POU6F2: variants seen among roughly 807,000 people sequenced by gnomAD.
POU6F2 encodes the protein POU domain, class 6, transcription factor 2.
In POU6F2, 31 loss-of-function variants were observed where a neutral mutation model predicts 71.3. The ratio of observed to expected loss-of-function variants is 0.43; its 90% confidence interval spans 0.33 to 0.59. The LOEUF is 0.59. Among genes scored for constraint, POU6F2 ranks in the 20% least tolerant of loss-of-function variants. The pLI is 0.04. For missense variants in POU6F2, 783 were observed against 856.8 expected, an observed-to-expected ratio of 0.91 and a Z score of 1.07; for synonymous variants, 347 against 355.7, an observed-to-expected ratio of 0.98 and a Z score of 0.27.
At chr7:39,344,920 G>A (rs768165790) in intron 5 of POU6F2, among the ~76,000 whole-genome samples, 9 of 152,122 alleles carry the variant, frequency 5.9e-5, no homozygotes, top group African/African-American at 9.7e-5. Flanking sequence ...AAATCACTAC[G>A]CAGAATTCTC....
intron 1 of POU6F2, among the ~76,000 whole-genome samples, chr7:39,067,870 G>A (rs1252349125): frequency 6.6e-6 from 1 of 152,058 alleles, no homozygotes; most frequent in African/African-American, 2.4e-5. Context: ...TTAATAAAAT[G>A]CCACTTTCCA....
At chr7:39,110,653 G>A (rs1216527826) in intron 2 of POU6F2, among the ~76,000 whole-genome samples, 1 of 151,994 alleles carries the variant, frequency 6.6e-6, no homozygotes, top group Admixed American at 6.6e-5. Flanking sequence ...TGTCTCTATA[G>A]GTATTATACT....
At chr7:39,210,192 G>T (rs1337880154) in intron 4 of POU6F2, among the ~76,000 whole-genome samples, 1 of 152,122 alleles carries the variant, frequency 6.6e-6, no homozygotes, top group African/African-American at 2.4e-5. Flanking sequence ...TCATTGTGAG[G>T]GGCAGGTTTC....
chr7:39,216,895 A>C (rs1377003151), intron 4 of POU6F2, among the ~76,000 whole-genome samples: 2 of 152,112 alleles, frequency 1.3e-5, no homozygotes, highest in Non-Finnish European at 2.9e-5. Context: ...AGATGCCTGT[A>C]ATTTGATCCC....
At chr7:39,150,124 C>A (rs1218762389) in intron 2 of POU6F2, among the ~76,000 whole-genome samples, 1 of 152,088 alleles carries the variant, frequency 6.6e-6, no homozygotes, top group Admixed American at 6.5e-5. Context: ...ATCTCCTGAC[C>A]TCGTGATCCG....
intron 5 of POU6F2, among the ~76,000 whole-genome samples, chr7:39,353,169 G>T (rs967808591): frequency 6.6e-6 from 1 of 152,186 alleles, no homozygotes; most frequent in Admixed American, 6.5e-5. Flanking sequence ...CAGATTGGAC[G>T]GGCAGGTCCT....
intron 1 of POU6F2, among the ~76,000 whole-genome samples, chr7:39,076,235 T>TCCTCCCTTCCATTCCCTCCCTTC (rs1791001097): frequency 6.6e-6 from 1 of 151,570 alleles, no homozygotes; most frequent in African/African-American, 2.4e-5. Context: ...TCCTTCCTTT[T>TCCTCCCTTCCATTCCCTCCCTTC]CCTCCCTTCC....
chr7:39,337,400 A>G (rs1370085929), intron 4 of POU6F2, among the ~76,000 whole-genome samples: 1 of 152,240 alleles, frequency 6.6e-6, no homozygotes, highest in Admixed American at 6.5e-5. Flanking sequence ...CAAGACAGAG[A>G]GGAAACCATC....
intron 2 of POU6F2, among the ~76,000 whole-genome samples, chr7:39,159,861 G>T (rs916122577): frequency 6.6e-6 from 1 of 152,120 alleles, no homozygotes; most frequent in Non-Finnish European, 1.5e-5. Context: ...CCAGAGAAGA[G>T]AAAAATATCT....
chr7:39,103,742 G>GAACCCCTGTACTGGCA lies in POU6F2; in HGVS notation c.277+17727_277+17742dup, dbSNP rs964352568. On this transcript the variant is annotated intron_variant, in intron 2 of 9. Transcript: ENST00000518318. ...TAGTTTTGTGTTACTTGGAGCTGGAGAACCCCTGTACTGGCAAACCCCTGT... is the reference window on the plus strand; with the variant it reads ...TAGTTTTGTGTTACTTGGAGCTGGAGAACCCCTGTACTGGCAAACCCCTGTACTGGCAAACCCCTGT... Among the ~76,000 whole-genome samples, 3 of 152,116 alleles carry GAACCCCTGTACTGGCA rather than the reference G, an allele frequency of 2.0e-5. No individual in the cohort carries two copies. In the South Asian group the frequency reaches 6.2e-4, roughly 32 times the overall value.
chr7:39,444,597 A>G (rs939369084), intron 7 of POU6F2, among the ~76,000 whole-genome samples: 2 of 152,222 alleles, frequency 1.3e-5, no homozygotes, highest in Non-Finnish European at 2.9e-5. Flanking sequence ...CAAACAAACA[A>G]CCAGATGAAA....
At chr7:39,224,412 C>A (rs547721522) in intron 4 of POU6F2, among the ~76,000 whole-genome samples, 1 of 151,414 alleles carries the variant, frequency 6.6e-6, no homozygotes, top group East Asian at 1.9e-4. Flanking sequence ...GCTATTGAAA[C>A]CCCAAACTGC....
At position 39,015,883 on chromosome 7, in the gene POU6F2, A is replaced by G. The variant is rs1184347168; in HGVS notation, c.105+37825A>G. Among the ~76,000 whole-genome samples, 15 of 43,990 alleles carry G rather than the reference A, an allele frequency of 3.4e-4. 1 individual carries two copies. Among genetic ancestry groups the G allele is most frequent in the African/African-American group, 1.2e-3 (15 of 12,768 alleles). 28.9% of individuals were successfully genotyped at this position (43,990 alleles called of 152,430 possible). ...TATAATATATTATATATAGATATAT[A>G]TTATATATTATATATAGATATATAT... On this transcript the variant is annotated intron_variant, in intron 1 of 9. Coordinates refer to ENST00000518318, the MANE Select transcript of POU6F2 (RefSeq NM_001370959.1).
At chr7:39,419,001 ATATGTGTATATATG>A (rs1449194917) in intron 6 of POU6F2, among the ~76,000 whole-genome samples, 2 of 144,096 alleles carry the variant, frequency 1.4e-5, no homozygotes, top group African/African-American at 2.5e-5. Flanking sequence ...ATATGTGTAT[ATATGTGTATATATG>A]TATATATATG....
rs143142524 is a variant in POU6F2 at position 39,362,989 on chromosome 7, G to A, written c.972+22974G>A. ...ACAGAAGAAGCAGAGGCCAGATGAC[G>A]CTGGGTCTTGCAGGCCACTGTAAGA... On this transcript the variant is annotated intron_variant, in intron 5 of 9. Coordinates refer to ENST00000518318, the MANE Select transcript of POU6F2 (RefSeq NM_001370959.1). Among the ~76,000 whole-genome samples, 50 of 152,262 alleles carry A rather than the reference G, an allele frequency of 3.3e-4. No individual in the cohort carries two copies. The East Asian group carries it at 6.0e-3, about 18-fold the overall frequency.
intron 4 of POU6F2, among the ~76,000 whole-genome samples, chr7:39,277,539 T>C (rs150948687): frequency 2.6e-5 from 4 of 152,306 alleles, no homozygotes; most frequent in East Asian, 1.9e-4. Flanking sequence ...GCAAGTATTA[T>C]TGAGTCTCCA....
chr7:39,178,458 T>C (rs1271945875), intron 2 of POU6F2, among the ~76,000 whole-genome samples: 1 of 152,202 alleles, frequency 6.6e-6, no homozygotes, highest in African/African-American at 2.4e-5. Context: ...ATTTTATAAG[T>C]ATAATACAAA....
In POU6F2 at chr7:39,378,571, T is replaced by C. The variant is rs369103653; in HGVS notation, c.973-28029T>C. The stretch of plus-strand genomic sequence containing the variant: ...AGTCCTGACTCTGCCTCAAAGTCTA[T>C]GCTCCGTCAATCTGTTGCTGTCACT... On this transcript the variant is annotated intron_variant, in intron 5 of 9. Transcript: ENST00000518318. Among the ~76,000 whole-genome samples, 147 of 152,260 alleles carry C rather than the reference T, an allele frequency of 9.7e-4. 1 individual carries two copies. The highest frequency in any genetic ancestry group is 2.7e-3 in the South Asian group (13 of 4,816).
In POU6F2 at chr7:39,337,395, C is replaced by G. The variant is rs1785801555; in HGVS notation, c.599-2247C>G. ...GCCTATGTCGTGTATAGTAACAAGACAGAGAGGAAACCATCATAAAAGGGA... is the reference window on the plus strand; with the variant it reads ...GCCTATGTCGTGTATAGTAACAAGAGAGAGAGGAAACCATCATAAAAGGGA... On this transcript the variant is annotated intron_variant, in intron 4 of 9. Transcript: ENST00000518318. Among the ~76,000 whole-genome samples the G allele has an allele frequency of 2.0e-5, 3 of 152,202 alleles. No homozygotes were observed. The South Asian group carries it at 6.2e-4, about 32-fold the overall frequency.
Sources: gnomAD v4.1 joint callset for allele counts (sites outside exome capture counted in the v4.1 genomes callset) on GRCh38, gnomAD v4.1.1 for gene constraint, MANE v1.5 for transcripts, NCBI Gene and HGNC (gene_info 2026-07-23, HGNC 2026-07-21) for gene names.